ASAP2: variants seen among roughly 807,000 people sequenced by gnomAD.
ASAP2 encodes the protein ArfGAP with SH3 domain, ankyrin repeat and PH domain 2.
ASAP2 carries 45 observed loss-of-function variants against 131.4 expected under a neutral mutation model. That is an observed-to-expected ratio of 0.34 (90% CI 0.27 to 0.44). The LOEUF (loss-of-function observed/expected upper bound fraction) is 0.44, where lower values mean the gene tolerates loss of function less well. ASAP2 is among the 20% of genes least tolerant of loss of function. The probability of loss-of-function intolerance (pLI) is 1.00; values close to 1 mark genes in which losing one functional copy is unlikely to be tolerated. For synonymous variants in ASAP2, 510 were observed against 503.0 expected (o/e 1.01, Z -0.19); for missense variants, 1,011 against 1,297.0 (o/e 0.78, Z 3.39).
At chr2:9,284,265 A>G (rs895021944) in intron 2 of ASAP2, among the ~76,000 whole-genome samples, 1 of 152,224 alleles carries the variant, frequency 6.6e-6, no homozygotes, top group African/African-American at 2.4e-5. Flanking sequence ...AGGTTGAATC[A>G]GTTTCCACTG....
At chr2:9,385,906 G>A (rs1472192684) in intron 21 of ASAP2, among the ~76,000 whole-genome samples, 18 of 152,226 alleles carry the variant, frequency 1.2e-4, no homozygotes, top group Admixed American at 1.2e-3. Flanking sequence ...TCCTCCTCCA[G>A]CTCCCTTCTT....
At chr2:9,242,877 C>T (rs1474963411) in intron 1 of ASAP2, among the ~76,000 whole-genome samples, 4 of 152,136 alleles carry the variant, frequency 2.6e-5, no homozygotes, top group African/African-American at 9.7e-5. Context: ...GGGTGTAAGA[C>T]ATTGGTGCAC....
In ASAP2 at chr2:9,313,172, C is replaced by T. The variant is rs140374555; in HGVS notation, c.346-5352C>T. Among the ~76,000 whole-genome samples the T allele has an allele frequency of 5.1e-3, 776 of 152,314 alleles. 3 individuals carry two copies. The highest frequency in any genetic ancestry group is 7.7e-3 in the Non-Finnish European group (525 of 68,032). On this transcript the variant is annotated intron_variant, in intron 3 of 27. Coordinates refer to ENST00000281419, the MANE Select transcript of ASAP2 (RefSeq NM_003887.3). ...ACTCACTGCTGAAATGAACGAAGAA[C>T]GAAAGCAAGCCGACCAAGTGGGTCT...
intron 1 of ASAP2, among the ~76,000 whole-genome samples, chr2:9,216,889 G>A (rs1056701812): frequency 3.9e-5 from 6 of 152,028 alleles, no homozygotes; most frequent in African/African-American, 4.8e-5. Flanking sequence ...GTGAACCACC[G>A]TGCCCAGCCT....
At chr2:9,239,445 ATG>A (rs1219698149) in intron 1 of ASAP2, among the ~76,000 whole-genome samples, 4 of 92,918 alleles carry the variant, frequency 4.3e-5, no homozygotes, top group African/African-American at 9.4e-5. Flanking sequence ...GAATGAAATC[ATG>A]TGTGTGGTGA....
intron 1 of ASAP2, among the ~76,000 whole-genome samples, chr2:9,256,288 T>C (rs1665157325): frequency 6.6e-6 from 1 of 152,086 alleles, no homozygotes; most frequent in South Asian, 2.1e-4. Flanking sequence ...AGCATGTCAG[T>C]GGGCGCCAGG....
intron 1 of ASAP2, among the ~76,000 whole-genome samples, chr2:9,238,543 T>C (rs1249364106): frequency 6.6e-6 from 1 of 152,202 alleles, no homozygotes; most frequent in Non-Finnish European, 1.5e-5. Context: ...CTCAAGGGTC[T>C]TTTCTGGTGT....
intron 9 of ASAP2, among the ~76,000 whole-genome samples, chr2:9,340,239 T>G (rs2148586795): frequency 6.6e-6 from 1 of 152,300 alleles, no homozygotes; most frequent in East Asian, 1.9e-4. Flanking sequence ...GCCAGGCTGG[T>G]CTCGAGCTCC....
intron 1 of ASAP2, among the ~76,000 whole-genome samples, chr2:9,230,470 A>G (rs1272372629): frequency 3.3e-5 from 5 of 152,132 alleles, no homozygotes; most frequent in Admixed American, 2.0e-4. Context: ...GCAGGCAAAA[A>G]CTGTGCTGAG....
chr2:9,293,392 A>G (rs1184380718), intron 2 of ASAP2, among the ~76,000 whole-genome samples: 2 of 152,176 alleles, frequency 1.3e-5, no homozygotes, highest in Non-Finnish European at 2.9e-5. Context: ...ATCATTAATG[A>G]GAATTAGAGT....
chr2:9,221,887 A>C (rs1002585737), intron 1 of ASAP2, among the ~76,000 whole-genome samples: 2 of 151,758 alleles, frequency 1.3e-5, no homozygotes, highest in African/African-American at 4.8e-5. Context: ...TCTGCCTCCC[A>C]GGTTCACGCC....
Position 9,333,955 on chromosome 2 carries a change from C to A in ASAP2, c.687-783C>A, listed in dbSNP as rs1304241629. ...AAGTTCTCTACCCACGGTTTCCTACCCCGCAGACACAGTGTGGCCACCAAA... is the reference window on the plus strand; with the variant it reads ...AAGTTCTCTACCCACGGTTTCCTACACCGCAGACACAGTGTGGCCACCAAA... On this transcript the variant is annotated intron_variant, in intron 7 of 27. Coordinates refer to ENST00000281419, the MANE Select transcript of ASAP2 (RefSeq NM_003887.3). 3.3e-5 allele frequency among the ~76,000 whole-genome samples: 5 copies of A among 152,024 alleles called. No homozygotes were observed. The East Asian group carries it at 5.8e-4, about 18-fold the overall frequency.
chr2:9,243,920 G>C (rs1276634629), intron 1 of ASAP2, among the ~76,000 whole-genome samples: 4 of 152,168 alleles, frequency 2.6e-5, no homozygotes, highest in Non-Finnish European at 5.9e-5. Context: ...TGCTGTGTGT[G>C]TGTTAGTTTT....
rs376327302 is a variant in ASAP2, at chr2:9,337,222, C to T, written c.849+2043C>T. 3.3e-5 allele frequency among the ~76,000 whole-genome samples: 5 copies of T among 152,232 alleles called. No homozygotes were observed. The East Asian group carries it at 9.6e-4, about 29-fold the overall frequency. On this transcript the variant is annotated intron_variant, in intron 9 of 27. Coordinates refer to ENST00000281419, the MANE Select transcript of ASAP2 (RefSeq NM_003887.3). ...GGCTCCTTGTCAAGACCTAACTCAA[C>T]AGTCTCCTAGTTGTGGGCGTGTTGT...
At chr2:9,262,649 TAATGCATC>T (rs1412657224) in intron 1 of ASAP2, among the ~76,000 whole-genome samples, 1 of 152,240 alleles carries the variant, frequency 6.6e-6, no homozygotes, top group Non-Finnish European at 1.5e-5. Flanking sequence ...TTCTCATTTT[TAATGCATC>T]CATTCCTTAA....
At chr2:9,323,360 T>A in intron 6 of ASAP2, 110 bp downstream of exon 6, 1 of 1,463,298 alleles carries the variant, frequency 6.8e-7, no homozygotes, top group Non-Finnish European at 9.3e-7. Context: ...ACCACATGCA[T>A]TGCTGGACTC....
intron 2 of ASAP2, among the ~76,000 whole-genome samples, chr2:9,294,549 C>G (rs1488674289): frequency 6.6e-6 from 1 of 152,230 alleles, no homozygotes; most frequent in East Asian, 1.9e-4. Context: ...ACATGACTCT[C>G]TGAACTGCAC....
At chr2:9,305,600 G>T (rs1263096995) in intron 3 of ASAP2, among the ~76,000 whole-genome samples, 3 of 123,540 alleles carry the variant, frequency 2.4e-5, no homozygotes, top group African/African-American at 3.3e-5. Flanking sequence ...GGAGGGTCTG[G>T]AGTAGTGAGG....
rs182473547 is a variant in ASAP2 at position 9,311,387 on chromosome 2, G to C, written c.346-7137G>C. ...AAAAAAAGAAAAAAAAAGTTTGCCT[G>C]CTTGTTGGTCCAACGTTAATAGCAG... On this transcript the variant is annotated intron_variant, in intron 3 of 27. Transcript: ENST00000281419. This position sits in a 1 kb window ranked among gnomAD's most constrained non-coding sequence, Gnocchi z 5.2. Among the ~76,000 whole-genome samples the C allele has an allele frequency of 6.6e-6, 1 of 152,114 alleles. No individual in the cohort carries two copies. The highest frequency in any genetic ancestry group is 2.4e-5 in the African/African-American group (1 of 41,508).
Sources: gnomAD v4.1 joint callset for allele counts (sites outside exome capture counted in the v4.1 genomes callset) on GRCh38, gnomAD v4.1.1 for gene constraint, Gnocchi (gnomAD v3.1) non-coding constraint, MANE v1.5 for transcripts, NCBI Gene and HGNC (gene_info 2026-07-23, HGNC 2026-07-21) for gene names.